CNST: variants seen among roughly 807,000 people sequenced by gnomAD.
CNST encodes the protein consortin, connexin sorting protein, also known as consortin.
Under a neutral mutation model 72.4 loss-of-function variants are expected in CNST, and 39 were observed. The observed-to-expected ratio is 0.54, with a 90% CI of 0.42 to 0.70. The LOEUF is 0.70. CNST is among the 30% of genes least tolerant of loss of function. The probability of loss-of-function intolerance (pLI) is 0.00; values close to 1 mark genes in which losing one functional copy is unlikely to be tolerated. For synonymous variants in CNST, 332 were observed against 320.1 expected, an observed-to-expected ratio of 1.04 and a Z score of -0.40; for missense variants, 871 against 868.5, an observed-to-expected ratio of 1.00 and a Z score of -0.04.
chr1:246,631,042 G>A lies in CNST; in HGVS notation c.586-852G>A, dbSNP rs562953712. 2.6e-5 allele frequency among the ~76,000 whole-genome samples: 4 copies of A among 152,244 alleles called. No homozygotes were observed. The East Asian group carries it at 5.8e-4, about 22-fold the overall frequency. ...ATTACAGGCGTGAGCCACCATGCCC[G>A]GCTGGAAACTGTTTTAAGAATACAG... On this transcript the variant is annotated intron_variant, in intron 3 of 10. Coordinates refer to ENST00000366513, the MANE Select transcript of CNST (RefSeq NM_152609.3).
intron 9 of CNST, among the ~76,000 whole-genome samples, chr1:246,659,324 G>A (rs1256836822): frequency 1.3e-5 from 2 of 152,222 alleles, no homozygotes; most frequent in East Asian, 1.9e-4. Flanking sequence ...GCCGGGTGCG[G>A]TGGCTCACAC....
intron 1 of CNST, 48 bp from the exon 2 acceptor site, chr1:246,591,464 C>T: frequency 7.7e-7 from 1 of 1,292,880 alleles, no homozygotes; most frequent in Non-Finnish European, 1.1e-6. Context: ...CACTGAGAAT[C>T]TGCAAAGGTT....
intron 6 of CNST, among the ~76,000 whole-genome samples, chr1:246,637,244 G>A (rs1428937259): frequency 6.6e-6 from 1 of 152,202 alleles, no homozygotes; most frequent in African/African-American, 2.4e-5. Context: ...CTCTCATGCT[G>A]TTAGTGTGCA....
intron 1 of CNST, among the ~76,000 whole-genome samples, chr1:246,587,693 T>G (rs1272094947): frequency 6.6e-6 from 1 of 152,256 alleles, no homozygotes; most frequent in African/African-American, 2.4e-5. Context: ...ACTCTTTATC[T>G]TCATACTGCT....
intron 2 of CNST, 33 bp downstream of exon 2, chr1:246,591,974 T>A (rs749905586): frequency 6.6e-7 from 1 of 1,518,652 alleles, no homozygotes; most frequent in East Asian, 2.3e-5. Context: ...TCCTCTTCTT[T>A]AATTAATTAA....
intron 3 of CNST, among the ~76,000 whole-genome samples, chr1:246,630,219 A>G (rs570915900): frequency 6.6e-6 from 1 of 152,328 alleles, no homozygotes; most frequent in Admixed American, 6.5e-5. Flanking sequence ...TCTCCCCAAC[A>G]CTCTGGAGAC....
At chr1:246,631,476 ATTAT>A (rs1438672701) in intron 3 of CNST, among the ~76,000 whole-genome samples, 2 of 152,138 alleles carry the variant, frequency 1.3e-5, no homozygotes, top group African/African-American at 4.8e-5. Context: ...CTTTTTATTA[ATTAT>A]TTATTTATGT....
intron 10 of CNST, among the ~76,000 whole-genome samples, 195 bp from the exon 11 acceptor site, chr1:246,665,505 C>T (rs1325261704): frequency 2.0e-5 from 3 of 152,248 alleles, no homozygotes; most frequent in Non-Finnish European, 2.9e-5. Context: ...ACAAGCTCCA[C>T]AAGTCTGAAT....
chr1:246,655,508 A>G (rs1666727560), intron 9 of CNST, among the ~76,000 whole-genome samples: 1 of 152,148 alleles, frequency 6.6e-6, no homozygotes. Context: ...CTTTCATCTA[A>G]TCTCCTCTTC....
chr1:246,616,131 A>G (rs1266200658), intron 2 of CNST, among the ~76,000 whole-genome samples: 1 of 152,210 alleles, frequency 6.6e-6, no homozygotes, highest in African/African-American at 2.4e-5. Context: ...ATGGATTCAT[A>G]TGTGGCAGCA....
At chr1:246,594,293 G>A (rs973419737) in intron 2 of CNST, among the ~76,000 whole-genome samples, 19 of 152,046 alleles carry the variant, frequency 1.2e-4, no homozygotes, top group Admixed American at 9.2e-4. Flanking sequence ...GGGACTACAG[G>A]TATACACCAG....
At chr1:246,568,645 G>A (rs550149249) in intron 1 of CNST, among the ~76,000 whole-genome samples, 8 of 152,256 alleles carry the variant, frequency 5.3e-5, no homozygotes, top group Middle Eastern at 6.8e-3. Flanking sequence ...GTGCCATCTC[G>A]GTTCACTGCA....
At chr1:246,661,728 A>G (rs1259352044) in intron 10 of CNST, among the ~76,000 whole-genome samples, 1 of 152,222 alleles carries the variant, frequency 6.6e-6, no homozygotes, top group Non-Finnish European at 1.5e-5. Flanking sequence ...TGGGCTTCTC[A>G]TATTCATAAA....
intron 3 of CNST, among the ~76,000 whole-genome samples, chr1:246,625,153 C>T (rs1664331520): frequency 6.6e-6 from 1 of 152,174 alleles, no homozygotes; most frequent in Non-Finnish European, 1.5e-5. Flanking sequence ...ATTTAATATA[C>T]AATCCATATT....
intron 2 of CNST, among the ~76,000 whole-genome samples, chr1:246,601,803 AAT>A (rs1468096359): frequency 2.6e-5 from 4 of 152,180 alleles, no homozygotes; most frequent in Admixed American, 1.3e-4. Flanking sequence ...TCAAAAATAA[AAT>A]AAAATAATAA....
chr1:246,633,898 C>A (rs546813796), intron 4 of CNST, 26 bp from the exon 5 acceptor site: 2 of 1,471,330 alleles, frequency 1.4e-6, no homozygotes, highest in African/African-American at 1.4e-5. Context: ...GTGTGGATTT[C>A]TATTTTCCTT....
chr1:246,623,015 G>A (rs906397355), intron 3 of CNST, among the ~76,000 whole-genome samples: 1 of 152,036 alleles, frequency 6.6e-6, no homozygotes, highest in Admixed American at 6.6e-5. Context: ...TAGAGATGGG[G>A]TTTCACCATG....
rs1343726485 is a variant in CNST, at chr1:246,665,744, A to G, written c.2017A>G (p.Ile673Val). The G allele has an allele frequency of 1.2e-6, 2 of 1,613,636 alleles. No individual in the cohort carries two copies. Among genetic ancestry groups the G allele is most frequent in the East Asian group, 4.5e-5 (2 of 44,884 alleles). Residue 673 changes from isoleucine to valine, a missense_variant, in exon 11 of 11, where the codon ATA becomes GTA. Ile to Val is a conservative substitution (Grantham distance 29). Transcript: ENST00000366513. Reference protein sequence around the residue: ...GSCILLVLLCIATVFLSVGGT... With the variant: ...GSCILLVLLCVATVFLSVGGT... ...CTGTATTTTGCTGGTCTTGCTGTGC[A>G]TAGCAACGGTTTTCCTCAGTGTTGG...
rs1270418397 is a variant in CNST, at chr1:246,667,956, A to C, written c.*2051A>C. 6.6e-6 allele frequency: 1 copy of C among 152,228 alleles called. No homozygotes were observed. The highest frequency in any genetic ancestry group is 2.4e-5 in the African/African-American group (1 of 41,456). The allele number at this position is 152,228 out of a possible 1,614,324, so 9.4% of individuals were successfully genotyped here. A position where few individuals can be genotyped will look rare whatever the true frequency, so the allele number is the denominator to read the frequency against. ...AACATCTCCTGGGGACCTTCGCAGC[A>C]AGAGGAAAGCACTGAGACAATAGCT... is the stretch of plus-strand genomic sequence containing the variant. On this transcript the variant is annotated 3_prime_UTR_variant, in exon 11 of 11. Transcript: ENST00000366513.
Sources: gnomAD v4.1 joint callset for allele counts (sites outside exome capture counted in the v4.1 genomes callset) on GRCh38, gnomAD v4.1.1 for gene constraint, MANE v1.5 for transcripts, NCBI Gene and HGNC (gene_info 2026-07-23, HGNC 2026-07-21) for gene names.